Variants in INPP4B observed in about 807,000 individuals in gnomAD.
The protein encoded by INPP4B is inositol polyphosphate 4-phosphatase type II.
INPP4B carries 55 observed loss-of-function variants against 122.5 expected under a neutral mutation model. The ratio of observed to expected loss-of-function variants is 0.45; its 90% CI spans 0.36 to 0.56. The LOEUF is 0.56. INPP4B is among the 20% of genes least tolerant of loss of function. The probability of loss-of-function intolerance (pLI) is 0.00; values close to 1 mark genes in which losing one functional copy is unlikely to be tolerated. For missense variants in INPP4B, 1,000 were observed against 1,097.7 expected (o/e 0.91, Z 1.26); for synonymous variants, 403 against 388.7 (o/e 1.04, Z -0.43).
intron 1 of INPP4B, among the ~76,000 whole-genome samples, chr4:142,738,181 T>G (rs1767280899): frequency 6.6e-6 from 1 of 152,220 alleles, no homozygotes; most frequent in South Asian, 2.1e-4. Context: ...GCAGCACTAT[T>G]CACAGTAGCA....
chr4:142,074,402 A>G (rs991677745), intron 25 of INPP4B, among the ~76,000 whole-genome samples: 3 of 152,122 alleles, frequency 2.0e-5, no homozygotes, highest in Non-Finnish European at 2.9e-5. Context: ...AAACTCTTAC[A>G]GTACAAGTAT....
At chr4:142,134,715 T>C (rs1803116189) in intron 18 of INPP4B, among the ~76,000 whole-genome samples, 1 of 148,594 alleles carries the variant, frequency 6.7e-6, no homozygotes, top group Non-Finnish European at 1.5e-5. Flanking sequence ...GAGAATCACT[T>C]GAACCTGGGG....
intron 1 of INPP4B, among the ~76,000 whole-genome samples, chr4:142,843,397 T>C (rs575269293): frequency 4.1e-4 from 62 of 152,032 alleles, no homozygotes; most frequent in African/African-American, 1.4e-3. Flanking sequence ...AAGTGGCCTA[T>C]GGAAAAGATT....
At chr4:142,260,714 T>G in intron 10 of INPP4B, 150 bp from the exon 11 acceptor site, 1 of 609,526 alleles carries the variant, frequency 1.6e-6, no homozygotes, top group South Asian at 2.2e-5. Flanking sequence ...AGCTCTATCT[T>G]TACTACAAAG....
At chr4:142,418,718 A>G (rs185578683) in intron 5 of INPP4B, among the ~76,000 whole-genome samples, 1 of 152,306 alleles carries the variant, frequency 6.6e-6, no homozygotes, top group East Asian at 1.9e-4. Flanking sequence ...CTAGAAAATT[A>G]ACACAAGGTA....
chr4:142,845,643 CA>C (rs1458443963), intron 1 of INPP4B, among the ~76,000 whole-genome samples: 3 of 152,090 alleles, frequency 2.0e-5, no homozygotes, highest in African/African-American at 7.2e-5. Flanking sequence ...ATTTTTAAAA[CA>C]AAAAACAAGG....
At chr4:142,283,080 T>C (rs916000286) in intron 9 of INPP4B, among the ~76,000 whole-genome samples, 2 of 152,084 alleles carry the variant, frequency 1.3e-5, no homozygotes, top group Non-Finnish European at 2.9e-5. Context: ...AAGATGAGTT[T>C]GGAGAAATTA....
At chr4:142,208,785 A>T (rs1247565698) in intron 13 of INPP4B, 111 bp downstream of exon 13, 5 of 827,574 alleles carry the variant, frequency 6.0e-6, no homozygotes, top group African/African-American at 3.6e-5. Context: ...AAAGAGTTTT[A>T]AAAAATCTCC....
At chr4:142,681,197 C>A (rs1304054109) in intron 2 of INPP4B, among the ~76,000 whole-genome samples, 1 of 151,734 alleles carries the variant, frequency 6.6e-6, no homozygotes, top group Non-Finnish European at 1.5e-5. Context: ...AATTGCATGG[C>A]CCTTTAAACA....
chr4:142,792,965 A>G (rs1004425538), intron 1 of INPP4B, among the ~76,000 whole-genome samples: 1 of 152,018 alleles, frequency 6.6e-6, no homozygotes, highest in Non-Finnish European at 1.5e-5. Context: ...CTAGATAGAC[A>G]TTGGCAACCA....
rs79084093 is a variant in INPP4B at position 142,178,727 on chromosome 4, T to C, written c.1182-4918A>G. The stretch of plus-strand genomic sequence containing the variant: ...TAGGATTGGTGAGTTTAGGGAAAAA[T>C]GACTTAGAGTGGTGTGTCTCTTCTC... On this transcript the variant is annotated intron_variant, in intron 15 of 25. Transcript: ENST00000262992. 1.3e-4 allele frequency among the ~76,000 whole-genome samples: 20 copies of C among 151,524 alleles called. No homozygotes were observed. The East Asian group carries it at 3.5e-3, about 27-fold the overall frequency.
chr4:142,638,636 C>T (rs1749697915), intron 2 of INPP4B, among the ~76,000 whole-genome samples: 1 of 151,728 alleles, frequency 6.6e-6, no homozygotes, highest in Non-Finnish European at 1.5e-5. Flanking sequence ...TTCCACCTCC[C>T]AGGTTCACGC....
intron 19 of INPP4B, among the ~76,000 whole-genome samples, 172 bp from the exon 20 acceptor site, chr4:142,123,587 T>C (rs1038978051): frequency 6.6e-6 from 1 of 152,148 alleles, no homozygotes; most frequent in Non-Finnish European, 1.5e-5. Flanking sequence ...GATCTAGAAT[T>C]GCTGTGTATA....
chr4:142,726,540 TGAG>T (rs1765371394), intron 1 of INPP4B, among the ~76,000 whole-genome samples: 1 of 152,192 alleles, frequency 6.6e-6, no homozygotes, highest in East Asian at 1.9e-4. Flanking sequence ...ATAACAATCT[TGAG>T]GAGTATCCCA....
Position 142,470,565 on chromosome 4 carries a change from T to G in INPP4B, c.-190-7839A>C, listed in dbSNP as rs149631336. Among the ~76,000 whole-genome samples, 204 of 152,298 alleles carry G rather than the reference T, an allele frequency of 1.3e-3. 1 individual carries two copies. The highest frequency in any genetic ancestry group is 4.8e-3 in the African/African-American group (198 of 41,578). ...TATGTGGTTAGCACAAGATGCTCATTTCAGGCACATCCTATTTTAATACCC... is the reference window on the plus strand; with the variant it reads ...TATGTGGTTAGCACAAGATGCTCATGTCAGGCACATCCTATTTTAATACCC... On this transcript the variant is annotated intron_variant, in intron 2 of 25. Transcript: ENST00000262992.
At chr4:142,079,972 T>C (rs771006650) in intron 25 of INPP4B, among the ~76,000 whole-genome samples, 7 of 152,082 alleles carry the variant, frequency 4.6e-5, no homozygotes, top group Non-Finnish European at 1.0e-4. Context: ...GATTTTTTAA[T>C]TTTTTTAACC....
At chr4:142,268,211 T>A (rs1434164630) in intron 10 of INPP4B, among the ~76,000 whole-genome samples, 2 of 149,154 alleles carry the variant, frequency 1.3e-5, no homozygotes, top group African/African-American at 5.0e-5. Flanking sequence ...TAGTCCCAGC[T>A]ACTCGGGAGG....
At chr4:142,123,887 G>C (rs1188554105) in intron 19 of INPP4B, among the ~76,000 whole-genome samples, 1 of 152,136 alleles carries the variant, frequency 6.6e-6, no homozygotes, top group Non-Finnish European at 1.5e-5. Context: ...GTGGGGGAAA[G>C]CGACAGTTTG....
intron 25 of INPP4B, among the ~76,000 whole-genome samples, chr4:142,059,431 G>T (rs1014305513): frequency 6.6e-6 from 1 of 151,972 alleles, no homozygotes; most frequent in African/African-American, 2.4e-5. Flanking sequence ...TACCCTAAAA[G>T]ACTTAATCTA....
Sources: gnomAD v4.1 joint callset for allele counts (sites outside exome capture counted in the v4.1 genomes callset) on GRCh38, gnomAD v4.1.1 for gene constraint, MANE v1.5 for transcripts, NCBI Gene and HGNC (gene_info 2026-07-23, HGNC 2026-07-21) for gene names.